KDM3B: variants seen among roughly 807,000 people sequenced by gnomAD.
The protein encoded by KDM3B is lysine demethylase 3B.
Under a neutral mutation model 170.0 loss-of-function variants are expected in KDM3B, and 10 were observed. That is an observed-to-expected ratio of 0.06 (90% CI 0.04 to 0.10). KDM3B has a LOEUF of 0.10. KDM3B is among the 10% of genes least tolerant of loss of function. The pLI is 1.00. For synonymous variants in KDM3B, 831 were observed against 834.8 expected, an observed-to-expected ratio of 1.00 and a Z score of 0.08; for missense variants, 1,394 against 2,195.2, an observed-to-expected ratio of 0.64 and a Z score of 7.29.
At chr5:138,424,802 A>G (rs1490810958) in intron 16 of KDM3B, among the ~76,000 whole-genome samples, 1 of 152,176 alleles carries the variant, frequency 6.6e-6, no homozygotes, top group African/African-American at 2.4e-5. Context: ...TAATAAATAA[A>G]TAAAAGCAAG....
chr5:138,435,613 T>C lies in KDM3B; in HGVS notation c.5206-7T>C. 6.2e-7 allele frequency: 1 copy of C among 1,612,652 alleles called. No individual in the cohort carries two copies. Among genetic ancestry groups the C allele is most frequent in the Non-Finnish European group, 8.5e-7 (1 of 1,178,898 alleles). ...TGTGAACTGACTTTGCTGTACACCT[T>C]CTCTAGGTGAAGAACATCATTTACC... On this transcript the variant is annotated splice_region_variant and splice_polypyrimidine_tract_variant and intron_variant, in intron 23 of 23. Coordinates refer to ENST00000314358, the MANE Select transcript of KDM3B (RefSeq NM_016604.4).
chr5:138,380,045 T>C (rs968883103), intron 5 of KDM3B, among the ~76,000 whole-genome samples: 1 of 152,166 alleles, frequency 6.6e-6, no homozygotes, highest in African/African-American at 2.4e-5. Flanking sequence ...TGGAGTGCAG[T>C]GGTGCGATCA....
chr5:138,371,133 C>T (rs1219647646), intron 1 of KDM3B, among the ~76,000 whole-genome samples: 1 of 151,960 alleles, frequency 6.6e-6, no homozygotes, highest in Non-Finnish European at 1.5e-5. Context: ...ATGCTGTGTC[C>T]ACTCATCTTC....
At chr5:138,402,183 C>T (rs1762710763) in intron 11 of KDM3B, among the ~76,000 whole-genome samples, 1 of 152,184 alleles carries the variant, frequency 6.6e-6, no homozygotes, top group Non-Finnish European at 1.5e-5. Flanking sequence ...CTTGGCCTCC[C>T]AAACTGCTGG....
chr5:138,418,838 A>G (rs1763176382), intron 13 of KDM3B, 115 bp from the exon 14 acceptor site: 5 of 970,090 alleles, frequency 5.2e-6, no homozygotes, highest in South Asian at 4.7e-5. Flanking sequence ...ATGAAATGCC[A>G]GTTTACATGA....
chr5:138,428,792 A>T (rs1763458531), intron 20 of KDM3B, among the ~76,000 whole-genome samples: 1 of 152,186 alleles, frequency 6.6e-6, no homozygotes, highest in African/African-American at 2.4e-5. Flanking sequence ...CATAAAAATG[A>T]AGCATAAAAG....
intron 1 of KDM3B, among the ~76,000 whole-genome samples, chr5:138,356,452 T>C (rs1197808288): frequency 2.6e-5 from 4 of 152,152 alleles, no homozygotes; most frequent in Admixed American, 6.6e-5. Flanking sequence ...ATAATTTTCA[T>C]GACTATTTGT....
chr5:138,373,008 C>T (rs907920724), intron 2 of KDM3B, among the ~76,000 whole-genome samples, 167 bp downstream of exon 2: 5 of 152,102 alleles, frequency 3.3e-5, no homozygotes, highest in Admixed American at 6.6e-5. Flanking sequence ...CTCCTTTGTC[C>T]TCCAAAATGT....
At chr5:138,354,150 C>G (rs920942724) in intron 1 of KDM3B, among the ~76,000 whole-genome samples, 3 of 152,154 alleles carry the variant, frequency 2.0e-5, no homozygotes, top group African/African-American at 7.2e-5. Flanking sequence ...TCCTTTTTCA[C>G]TAATATACAA....
intron 3 of KDM3B, among the ~76,000 whole-genome samples, chr5:138,376,319 C>T (rs1761998027): frequency 6.6e-6 from 1 of 152,134 alleles, no homozygotes; most frequent in Non-Finnish European, 1.5e-5. Context: ...TTGCAAAGTA[C>T]TTTTGGTGGC....
Position 138,433,348 on chromosome 5 carries a change from A to G in KDM3B, c.5205+1789A>G, listed in dbSNP as rs577197564. On this transcript the variant is annotated intron_variant, in intron 23 of 23. Transcript: ENST00000314358. ...AGGCAGGTCTTGAACTCCTGACCTC[A>G]TGATCCACCCGCCCTCGGCCTCCCA... Among the ~76,000 whole-genome samples the G allele has an allele frequency of 3.5e-4, 51 of 146,626 alleles. No homozygotes were observed. The South Asian group carries it at 0.011, about 31-fold the overall frequency.
At chr5:138,374,406 C>G in intron 2 of KDM3B, 1 of 330,602 alleles carries the variant, frequency 3.0e-6, no homozygotes, top group South Asian at 2.2e-5. Flanking sequence ...TTACAGGCGC[C>G]CACCACCACT....
chr5:138,383,909 T>C (rs1762187711), intron 6 of KDM3B, among the ~76,000 whole-genome samples: 1 of 149,922 alleles, frequency 6.7e-6, no homozygotes, highest in African/African-American at 2.5e-5. Flanking sequence ...GAGATTGTGC[T>C]ATTGCACTCC....
intron 18 of KDM3B, 22 bp downstream of exon 18, chr5:138,427,087 C>T (rs765441767): frequency 3.7e-6 from 6 of 1,611,736 alleles, no homozygotes; most frequent in Non-Finnish European, 5.1e-6. Context: ...GCAGTGGTGT[C>T]ATCTTCAGAA....
At chr5:138,419,564 A>G (rs1763200532) in intron 14 of KDM3B, among the ~76,000 whole-genome samples, 1 of 149,976 alleles carries the variant, frequency 6.7e-6, no homozygotes, top group Non-Finnish European at 1.5e-5. Context: ...CTGAGGCAGG[A>G]GAATGGCATG....
chr5:138,391,909 T>C lies in KDM3B; in HGVS notation c.2277T>C (p.Asn759=), dbSNP rs752388665. 1.9e-6 allele frequency: 3 copies of C among 1,613,422 alleles called. No individual in the cohort carries two copies. Among genetic ancestry groups the C allele is most frequent in the South Asian group, 1.1e-5 (1 of 91,048 alleles). Residue 759 remains asparagine, a synonymous_variant, in exon 8 of 24, where the codon AAT becomes AAC. Transcript: ENST00000314358. This position sits in a 1 kb window ranked among gnomAD's most constrained non-coding sequence, Gnocchi z 5.0. ...RPTVGPGQQD[N]PLLKTFSNVF... The stretch of plus-strand genomic sequence containing the variant: ...CTGTGGGGCCTGGGCAGCAGGACAA[T>C]CCCCTCCTCAAAACCTTTAGTAACG...
In KDM3B at chr5:138,431,547, G is replaced by A. The variant is rs1270823112; in HGVS notation, c.5193G>A (p.Glu1731=). The A allele has an allele frequency of 1.9e-6, 3 of 1,604,808 alleles. No homozygotes were observed. Among genetic ancestry groups the A allele is most frequent in the Admixed American group, 1.7e-5 (1 of 58,866 alleles). The change falls in exon 23 of 24, where the codon GAG becomes GAA. Residue 1731 remains glutamate, a synonymous_variant. Transcript: ENST00000314358. The part of the protein sequence containing the change: ...RHLSNTHTNH[E]DKLQVKNIIY... ...TCTCTAACACTCATACAAATCATGA[G>A]GATAAACTGCAGGTAAATAACTCCT...
chr5:138,410,900 A>C (rs900060032), intron 11 of KDM3B, among the ~76,000 whole-genome samples: 2 of 152,230 alleles, frequency 1.3e-5, no homozygotes, highest in Admixed American at 1.3e-4. Flanking sequence ...TGCTATCTAG[A>C]AGGCAGAGCC....
intron 11 of KDM3B, among the ~76,000 whole-genome samples, chr5:138,405,717 C>T (rs1281186375): frequency 6.6e-6 from 1 of 152,198 alleles, no homozygotes; most frequent in Middle Eastern, 3.4e-3. Flanking sequence ...CTCTTTTTCT[C>T]GTTTATAATC....
Sources: allele counts gnomAD v4.1 joint callset (sites outside exome capture counted in the v4.1 genomes callset), GRCh38; gene constraint gnomAD v4.1.1; non-coding constraint Gnocchi (gnomAD v3.1); transcripts MANE v1.5; gene names NCBI Gene and HGNC (gene_info 2026-07-23, HGNC 2026-07-21).